The following ADAMTSL1 variants were observed in gnomAD, a reference collection of about 807,000 sequenced individuals.
ADAMTSL1 encodes ADAMTS-like protein 1.
ADAMTSL1 carries 126 observed loss-of-function variants against 201.8 expected under a neutral mutation model. The ratio of observed to expected loss-of-function variants is 0.62; its 90% CI spans 0.54 to 0.72. The LOEUF is 0.72. ADAMTSL1 is among the 30% of genes least tolerant of loss of function. ADAMTSL1 has a pLI of 0.00. For synonymous variants in ADAMTSL1, 1,121 were observed against 903.4 expected (o/e 1.24, Z -4.32); for missense variants, 2,679 against 2,277.8 (o/e 1.18, Z -3.59).
At chr9:18,860,744 C>CT (rs1827163169) in intron 23 of ADAMTSL1, among the ~76,000 whole-genome samples, 1 of 151,766 alleles carries the variant, frequency 6.6e-6, no homozygotes, top group African/African-American at 2.4e-5. Flanking sequence ...GGTTTTCCTT[C>CT]TCTATATTCT....
rs199586965 is a variant in ADAMTSL1, at chr9:18,646,286, T to G, written c.834+6875T>G. 2.1e-3 allele frequency among the ~76,000 whole-genome samples: 324 copies of G among 152,308 alleles called. 8 individuals carry two copies. The East Asian group carries it at 0.059, about 28-fold the overall frequency. ...GTTGCTTATCAGCTTAAGGAGATTT[T>G]GGGCTGAGACAATGGGGTTTTCTAG... On this transcript the variant is annotated intron_variant, in intron 7 of 28. Coordinates refer to ENST00000380548, the MANE Select transcript of ADAMTSL1 (RefSeq NM_001040272.6).
At chr9:18,001,562 G>A (rs376387801) in intron 1 of ADAMTSL1, among the ~76,000 whole-genome samples, 1 of 152,064 alleles carries the variant, frequency 6.6e-6, no homozygotes, top group Non-Finnish European at 1.5e-5. Flanking sequence ...TTCAAAGAAG[G>A]TTTCCAGGAA....
chr9:18,122,330 G>A lies in ADAMTSL1; in HGVS notation c.88-41532G>A, dbSNP rs79684221. Among the ~76,000 whole-genome samples, 650 of 152,294 alleles carry A rather than the reference G, an allele frequency of 4.3e-3. 7 individuals are homozygous for A. The highest frequency in any genetic ancestry group is 0.015 in the African/African-American group (632 of 41,562). ...ATCCTGGAGAGCCTCTGCAACAGCA[G>A]CAACAGGAAACACAGATGATGGGTG... On this transcript the variant is annotated intron_variant, in intron 1 of 29. Coordinates refer to the ADAMTSL1 transcript ENST00000680146.
At chr9:18,502,239 C>T (rs1448288890) in intron 1 of ADAMTSL1, among the ~76,000 whole-genome samples, 1 of 152,164 alleles carries the variant, frequency 6.6e-6, no homozygotes, top group South Asian at 2.1e-4. Context: ...TCACTCATTT[C>T]AATTACTGCA....
At chr9:18,278,772 T>C (rs1185012322) in intron 2 of ADAMTSL1, among the ~76,000 whole-genome samples, 5 of 152,216 alleles carry the variant, frequency 3.3e-5, no homozygotes, top group Non-Finnish European at 7.3e-5. Flanking sequence ...TTGCTGATTC[T>C]CCTGGGAGTC....
chr9:18,205,585 G>GT (rs1405950667), intron 2 of ADAMTSL1, among the ~76,000 whole-genome samples: 1 of 152,026 alleles, frequency 6.6e-6, no homozygotes, highest in African/African-American at 2.4e-5. Flanking sequence ...CATGATCAAG[G>GT]TTCCACAGGC....
At chr9:18,789,432 T>C (rs535038965) in intron 19 of ADAMTSL1, among the ~76,000 whole-genome samples, 1 of 152,334 alleles carries the variant, frequency 6.6e-6, no homozygotes, top group Non-Finnish European at 1.5e-5. Context: ...GATCCCATCA[T>C]TAATGGCTCC....
chr9:17,952,317 ATATTCT>A (rs1158460811), intron 1 of ADAMTSL1, among the ~76,000 whole-genome samples: 1 of 151,914 alleles, frequency 6.6e-6, no homozygotes, highest in African/African-American at 2.4e-5. Context: ...CCCTGAAATA[ATATTCT>A]TATGAAGTAT....
At chr9:18,337,969 G>T (rs552298982) in intron 2 of ADAMTSL1, among the ~76,000 whole-genome samples, 1 of 152,196 alleles carries the variant, frequency 6.6e-6, no homozygotes, top group South Asian at 2.1e-4. Flanking sequence ...GGTCAAGCCC[G>T]GCTTGGTTAC....
chr9:18,059,836 G>T (rs1016681622), intron 1 of ADAMTSL1, among the ~76,000 whole-genome samples: 1 of 151,716 alleles, frequency 6.6e-6, no homozygotes, highest in Admixed American at 6.6e-5. Flanking sequence ...TTTTTTTAAG[G>T]CTGTCTTATA....
intron 1 of ADAMTSL1, among the ~76,000 whole-genome samples, chr9:18,097,892 A>T (rs1369016708): frequency 6.6e-6 from 1 of 151,768 alleles, no homozygotes; most frequent in Non-Finnish European, 1.5e-5. Context: ...TATACTGAGA[A>T]ATCTTTGCAT....
chr9:18,086,898 C>T (rs1038702757), intron 1 of ADAMTSL1, among the ~76,000 whole-genome samples: 7 of 152,076 alleles, frequency 4.6e-5, no homozygotes, highest in Admixed American at 1.3e-4. Flanking sequence ...TTAAAAAATG[C>T]TTTCCATATT....
intron 1 of ADAMTSL1, among the ~76,000 whole-genome samples, chr9:18,101,303 C>G (rs1372234395): frequency 6.6e-6 from 1 of 152,018 alleles, no homozygotes; most frequent in Non-Finnish European, 1.5e-5. Flanking sequence ...CGAGACCAGC[C>G]TGACCAACAG....
At chr9:18,656,650 A>AAAAAAAAAAAAAT (rs71506010) in intron 7 of ADAMTSL1, among the ~76,000 whole-genome samples, 1 of 148,382 alleles carries the variant, frequency 6.7e-6, no homozygotes, top group Non-Finnish European at 1.5e-5. Flanking sequence ...AAAAAAGAAA[A>AAAAAAAAAAAAAT]TGTTAAGACT....
chr9:18,041,037 TA>T (rs1245809035), intron 1 of ADAMTSL1, among the ~76,000 whole-genome samples: 1 of 152,172 alleles, frequency 6.6e-6, no homozygotes, highest in Non-Finnish European at 1.5e-5. Context: ...TACCATCCAC[TA>T]GGGGGGCAAT....
chr9:18,732,868 C>T (rs2133491979), intron 15 of ADAMTSL1, among the ~76,000 whole-genome samples: 1 of 152,268 alleles, frequency 6.6e-6, no homozygotes, highest in South Asian at 2.1e-4. Context: ...TTATTAAGCA[C>T]TTACAATATG....
intron 1 of ADAMTSL1, among the ~76,000 whole-genome samples, chr9:18,485,994 G>T (rs1417584781): frequency 6.6e-6 from 1 of 152,220 alleles, no homozygotes. Flanking sequence ...GTTACTGGTA[G>T]CAAAAACCTC....
At chr9:18,425,624 G>T (rs80286335) in intron 2 of ADAMTSL1, among the ~76,000 whole-genome samples, 4,696 of 152,116 alleles carry the variant, frequency 0.031, 232 homozygotes, top group African/African-American at 0.1. Flanking sequence ...GGAGGCTGAG[G>T]AGGGAAGATG....
intron 1 of ADAMTSL1, among the ~76,000 whole-genome samples, chr9:18,139,794 T>C (rs778064401): frequency 2.0e-5 from 3 of 152,138 alleles, no homozygotes; most frequent in Non-Finnish European, 4.4e-5. Flanking sequence ...ATTTTGAATT[T>C]TACATTAGAA....
Sources: gnomAD v4.1 joint callset for allele counts (sites outside exome capture counted in the v4.1 genomes callset) on GRCh38, gnomAD v4.1.1 for gene constraint, MANE v1.5 for transcripts, NCBI Gene and HGNC (gene_info 2026-07-23, HGNC 2026-07-21) for gene names.